The following ZHX3 variants were observed in gnomAD, a reference collection of about 807,000 sequenced individuals.
The protein encoded by ZHX3 is zinc fingers and homeoboxes protein 3.
Under a neutral mutation model 64.5 loss-of-function variants are expected in ZHX3, and 20 were observed. The ratio of observed to expected loss-of-function variants is 0.31; its 90% CI spans 0.22 to 0.45. The LOEUF is 0.45. Among genes scored for constraint, ZHX3 ranks in the 20% least tolerant of loss-of-function variants. ZHX3 has a pLI of 1.00. For missense variants in ZHX3, 1,041 were observed against 1,195.8 expected (o/e 0.87, Z 1.91); for synonymous variants, 423 against 461.6 (o/e 0.92, Z 1.07).
intron 2 of ZHX3, among the ~76,000 whole-genome samples, chr20:41,237,975 G>A (rs1327404118): frequency 6.6e-6 from 1 of 152,112 alleles, no homozygotes; most frequent in Middle Eastern, 3.2e-3. Flanking sequence ...TCTCTCCAAT[G>A]AACTATAAGA....
intron 1 of ZHX3, among the ~76,000 whole-genome samples, chr20:41,301,027 GAAGT>G (rs926198516): frequency 1.3e-5 from 2 of 152,172 alleles, no homozygotes; most frequent in Non-Finnish European, 2.9e-5. Flanking sequence ...ACATTTCAGG[GAAGT>G]AAGTGGCAGT....
intron 1 of ZHX3, among the ~76,000 whole-genome samples, chr20:41,293,031 C>T (rs575924529): frequency 1.3e-5 from 2 of 152,282 alleles, no homozygotes; most frequent in South Asian, 2.1e-4. Context: ...GGGAGACGCA[C>T]GTTTGATTAT....
rs2036240956 is a variant in ZHX3, at chr20:41,181,231, G to T, written c.*3960C>A. The T allele has an allele frequency of 6.6e-6, 1 of 152,220 alleles. No individual in the cohort carries two copies. The highest frequency in any genetic ancestry group is 2.1e-4 in the South Asian group (1 of 4,832). 9.4% of individuals were successfully genotyped at this position (152,220 alleles called of 1,614,324 possible). ...GCTTTGCCCTGGAAGACTTGACTAT[G>T]TGGGCCTTCATGTGTCTAGAGGATT... On this transcript the variant is annotated 3_prime_UTR_variant, in exon 4 of 4. Transcript: ENST00000683867.
At chr20:41,294,628 G>A (rs946532680) in intron 1 of ZHX3, among the ~76,000 whole-genome samples, 4 of 152,082 alleles carry the variant, frequency 2.6e-5, no homozygotes, top group Non-Finnish European at 5.9e-5. Context: ...CTCCCAAAGT[G>A]CTGGGATTAC....
intron 1 of ZHX3, among the ~76,000 whole-genome samples, chr20:41,296,149 A>G (rs34460563): frequency 6.9e-6 from 1 of 144,456 alleles, no homozygotes; most frequent in East Asian, 2.0e-4. Context: ...TTTGCTTTTC[A>G]CCTTATTTGA....
rs1890322622 is a variant in ZHX3 at position 41,182,771 on chromosome 20, A to T, written c.*2420T>A. ...GGGCTAACATCTATAAGAAAAACAT[A>T]CCAGGGCAGGCAGCACTGTACTTTT... On this transcript the variant is annotated 3_prime_UTR_variant, in exon 4 of 4. Transcript: ENST00000683867. This position sits in a 1 kb window ranked among gnomAD's most constrained non-coding sequence, Gnocchi z 6.1. 6.6e-6 allele frequency: 1 copy of T among 152,258 alleles called. No homozygotes were observed. The highest frequency in any genetic ancestry group is 1.5e-5 in the Non-Finnish European group (1 of 68,064). 9.4% of individuals were successfully genotyped at this position (152,258 alleles called of 1,614,324 possible).
chr20:41,311,183 A>G (rs534121013), intron 1 of ZHX3, among the ~76,000 whole-genome samples: 2 of 152,012 alleles, frequency 1.3e-5, no homozygotes, highest in Admixed American at 1.3e-4. Flanking sequence ...TCTGTCATTC[A>G]CTCTTATCCA....
chr20:41,281,769 G>A (rs1437789818), intron 1 of ZHX3, among the ~76,000 whole-genome samples: 1 of 152,236 alleles, frequency 6.6e-6, no homozygotes, highest in South Asian at 2.1e-4. Flanking sequence ...AGTGATGGGT[G>A]TTTAAACATT....
At chr20:41,288,001 T>G (rs1027887770) in intron 1 of ZHX3, among the ~76,000 whole-genome samples, 12 of 152,112 alleles carry the variant, frequency 7.9e-5, no homozygotes, top group Non-Finnish European at 1.6e-4. Context: ...TAAAATCAAA[T>G]TTGGAGTAAA....
At position 41,179,842 on chromosome 20, in the gene ZHX3, C is replaced by G. The variant is rs1027819668; in HGVS notation, c.*5349G>C. On this transcript the variant is annotated 3_prime_UTR_variant, in exon 4 of 4. Coordinates refer to ENST00000683867, the MANE Select transcript of ZHX3 (RefSeq NM_001384317.1). The surrounding 1 kb of genome is among the most constrained non-coding windows in gnomAD (Gnocchi z 4.3). ...ACGGGGTTTCACCATGCCGATCAGG[C>G]TGGTCTCGAACTCCTGACCTCAGGT... 1 of 152,218 alleles carries G rather than the reference C, an allele frequency of 6.6e-6. No homozygotes were observed. The highest frequency in any genetic ancestry group is 1.5e-5 in the Non-Finnish European group (1 of 68,068). 9.4% of individuals were successfully genotyped at this position (152,218 alleles called of 1,614,324 possible).
At chr20:41,206,594 A>G (rs1399819269) in intron 2 of ZHX3, among the ~76,000 whole-genome samples, 1 of 152,200 alleles carries the variant, frequency 6.6e-6, no homozygotes, top group Admixed American at 6.5e-5. Flanking sequence ...CGAGAAGTTT[A>G]GAGAGAAAAG....
intron 2 of ZHX3, among the ~76,000 whole-genome samples, chr20:41,261,108 C>T (rs991130340): frequency 6.6e-6 from 1 of 152,124 alleles, no homozygotes; most frequent in African/African-American, 2.4e-5. Flanking sequence ...CAGGGTCTCA[C>T]ACATCATTAG....
At chr20:41,299,391 A>C (rs1311185182) in intron 1 of ZHX3, among the ~76,000 whole-genome samples, 4 of 152,216 alleles carry the variant, frequency 2.6e-5, no homozygotes, top group Non-Finnish European at 5.9e-5. Context: ...TTGCTCTGCT[A>C]GGCTCAGAAA....
chr20:41,316,873 G>C (rs2045303105), intron 1 of ZHX3: 1 of 152,290 alleles, frequency 6.6e-6, no homozygotes, highest in Admixed American at 6.5e-5. Context: ...CGCCACTCAG[G>C]GAATCCGAGG....
intron 2 of ZHX3, among the ~76,000 whole-genome samples, chr20:41,245,975 T>C (rs1217427151): frequency 6.6e-6 from 1 of 152,160 alleles, no homozygotes; most frequent in African/African-American, 2.4e-5. Context: ...ACCTCAAGTC[T>C]CCAATATCAA....
intron 2 of ZHX3, among the ~76,000 whole-genome samples, chr20:41,211,809 T>C (rs2039178225): frequency 6.6e-6 from 1 of 152,220 alleles, no homozygotes; most frequent in Non-Finnish European, 1.5e-5. Flanking sequence ...AATTATTTCC[T>C]GAGGTTAAGT....
intron 2 of ZHX3, among the ~76,000 whole-genome samples, chr20:41,247,292 T>C (rs2041755522): frequency 6.6e-6 from 1 of 152,142 alleles, no homozygotes; most frequent in East Asian, 1.9e-4. Flanking sequence ...TGCTTAATAC[T>C]GGGCAGCTCA....
At chr20:41,217,681 G>A (rs1015871125) in intron 2 of ZHX3, among the ~76,000 whole-genome samples, 2 of 152,132 alleles carry the variant, frequency 1.3e-5, no homozygotes, top group Non-Finnish European at 2.9e-5. Flanking sequence ...CAAAGTCCAC[G>A]AAAGCTTGCA....
At chr20:41,223,230 G>T (rs1208840446) in intron 2 of ZHX3, among the ~76,000 whole-genome samples, 1 of 152,174 alleles carries the variant, frequency 6.6e-6, no homozygotes, top group Non-Finnish European at 1.5e-5. Context: ...GTGAAAATTG[G>T]TAAGACTTCT....
Sources: allele counts gnomAD v4.1 joint callset (sites outside exome capture counted in the v4.1 genomes callset), GRCh38; gene constraint gnomAD v4.1.1; non-coding constraint Gnocchi (gnomAD v3.1); transcripts MANE v1.5; gene names NCBI Gene and HGNC (gene_info 2026-07-23, HGNC 2026-07-21).